UBN1: variants seen among roughly 807,000 people sequenced by gnomAD.
UBN1 encodes ubinuclein 1, also known as ubinuclein-1.
Under a neutral mutation model 108.5 loss-of-function variants are expected in UBN1, and 17 were observed. The observed-to-expected ratio is 0.16, with a 90% CI of 0.11 to 0.24. The LOEUF (loss-of-function observed/expected upper bound fraction) is 0.24, where lower values mean the gene tolerates loss of function less well. Among genes scored for constraint, UBN1 ranks in the 10% least tolerant of loss-of-function variants. The probability of loss-of-function intolerance (pLI) is 1.00; values close to 1 mark genes in which losing one functional copy is unlikely to be tolerated. For missense variants in UBN1, 1,595 were observed against 1,394.4 expected, an observed-to-expected ratio of 1.14 and a Z score of -2.29; for synonymous variants, 726 against 564.2, an observed-to-expected ratio of 1.29 and a Z score of -4.07.
At chr16:4,858,722 C>T (rs1030119108) in intron 4 of UBN1, 59 bp downstream of exon 4, 20 of 1,531,642 alleles carry the variant, frequency 1.3e-5, no homozygotes, top group Non-Finnish European at 1.7e-5. Flanking sequence ...CCTCCTGATA[C>T]TGACCAGGAA....
Position 4,860,999 on chromosome 16 carries a change from G to C in UBN1, c.1007G>C (p.Ser336Thr), listed in dbSNP as rs149384361. 1.9e-6 allele frequency: 3 copies of C among 1,614,254 alleles called. No homozygotes were observed. The highest frequency in any genetic ancestry group is 2.5e-6 in the Non-Finnish European group (3 of 1,180,052). Residue 336 changes from serine to threonine, a missense_variant, in exon 7 of 18, where the codon AGT becomes ACT. By Grantham distance (58) the Ser-to-Thr change is moderately conservative. This residue lies in a region of UBN1 where 1,398 missense variants were observed against 1,194.7 expected (regional missense o/e 1.17). Coordinates refer to ENST00000262376, the MANE Select transcript of UBN1 (RefSeq NM_001079514.3). ...GSPFRDMDDG[S>T]DSLGVGLDQE... ...CCCTTCCGAGATATGGATGATGGAA[G>C]TGATTCCCTTGGGGTGGGATTGGAC...
Position 4,863,865 on chromosome 16 carries a change from A to G in UBN1, c.1110+2763A>G, listed in dbSNP as rs368339738. 5.9e-5 allele frequency among the ~76,000 whole-genome samples: 9 copies of G among 152,234 alleles called. No individual in the cohort carries two copies. The South Asian group carries it at 8.3e-4, about 14-fold the overall frequency. ...TTCAGGGCTTGGTGGTCTCAGGGCA[A>G]CATCTCAAGAGGGGAAAGGTGGAAG... is the stretch of plus-strand genomic sequence containing the variant. On this transcript the variant is annotated intron_variant, in intron 7 of 17. Coordinates refer to ENST00000262376, the MANE Select transcript of UBN1 (RefSeq NM_001079514.3).
In UBN1 at chr16:4,852,982, A is replaced by G. The variant is rs1363526882; in HGVS notation, c.65A>G (p.Lys22Arg). ...LPGSLNPAFL[K>R]KSRKEEAGAG... is the part of the protein sequence containing the mutation. ...GGTTCCCTGAATCCTGCGTTTTTGAAGAAGTCCCGGAAGGAGGAGGCTGGG... is the reference window on the plus strand; with the variant it reads ...GGTTCCCTGAATCCTGCGTTTTTGAGGAAGTCCCGGAAGGAGGAGGCTGGG... The change falls in exon 2 of 18, where the codon AAG becomes AGG. Residue 22 changes from lysine to arginine, a missense_variant. This residue lies in a region of UBN1 where 181 missense variants were observed against 157.3 expected (regional missense o/e 1.15). Coordinates refer to ENST00000262376, the MANE Select transcript of UBN1 (RefSeq NM_001079514.3). 2 of 1,614,206 alleles carry G rather than the reference A, an allele frequency of 1.2e-6. No homozygotes were observed. The highest frequency in any genetic ancestry group is 2.2e-5 in the South Asian group (2 of 91,090).
chr16:4,848,421 C>T (rs963770579), intron 1 of UBN1: 3 of 152,244 alleles, frequency 2.0e-5, no homozygotes, highest in Non-Finnish European at 2.9e-5. Context: ...CAAAAGATCC[C>T]AGTCCCGATC....
intron 14 of UBN1, 80 bp from the exon 15 acceptor site, chr16:4,874,131 C>T: frequency 6.8e-7 from 1 of 1,476,640 alleles, no homozygotes. Flanking sequence ...GACTCGAGTT[C>T]ACATGTTTGT....
intron 2 of UBN1, among the ~76,000 whole-genome samples, chr16:4,855,947 A>G (rs1022794964): frequency 1.3e-5 from 2 of 152,146 alleles, no homozygotes; most frequent in Non-Finnish European, 2.9e-5. Context: ...CAAAAAAGAA[A>G]AAGTGTTTCC....
At chr16:4,871,738 C>T (rs1485260692) in intron 12 of UBN1, among the ~76,000 whole-genome samples, 2 of 151,958 alleles carry the variant, frequency 1.3e-5, no homozygotes, top group African/African-American at 4.8e-5. Context: ...AGGTGCCTGC[C>T]ACCATGCCCG....
chr16:4,854,487 G>A (rs1381708784), intron 2 of UBN1, among the ~76,000 whole-genome samples: 1 of 150,900 alleles, frequency 6.6e-6, no homozygotes, highest in Non-Finnish European at 1.5e-5. Flanking sequence ...AGGATTACGG[G>A]TGCCAGCCAC....
rs1416855333 is a variant in UBN1, at chr16:4,874,358, G to A, written c.1948G>A (p.Ala650Thr). 6.2e-7 allele frequency: 1 copy of A among 1,614,102 alleles called. No individual in the cohort carries two copies. Among genetic ancestry groups the A allele is most frequent in the East Asian group, 2.2e-5 (1 of 44,872 alleles). The change falls in exon 15 of 18, where the codon GCT (alanine) becomes ACT (threonine). Residue 650 changes from alanine to threonine, a missense_variant. By Grantham distance (58) the Ala-to-Thr change is moderately conservative. Transcript: ENST00000262376. Reference sequence around the variant, plus strand: ...CCCATCCCAGGCATCGGGCGGCCTTGCTAACCCTCCTCCTGTCAACCTGGA... The same window carrying A: ...CCCATCCCAGGCATCGGGCGGCCTTACTAACCCTCCTCCTGTCAACCTGGA... ...ELPSQASGGL[A>T]NPPPVNLEDS...
At chr16:4,856,667 A>G (rs1256340442) in intron 2 of UBN1, among the ~76,000 whole-genome samples, 1 of 152,180 alleles carries the variant, frequency 6.6e-6, no homozygotes, top group African/African-American at 2.4e-5. Context: ...AGGAAATGGT[A>G]GTTATTGGAA....
intron 6 of UBN1, among the ~76,000 whole-genome samples, chr16:4,860,222 C>CA (rs1244856576): frequency 6.6e-6 from 1 of 152,176 alleles, no homozygotes; most frequent in Non-Finnish European, 1.5e-5. Flanking sequence ...CTCTGGGGTG[C>CA]TCCTCTCTGC....
chr16:4,858,112 T>A (rs868262326), intron 3 of UBN1, 36 bp downstream of exon 3: 3 of 1,423,606 alleles, frequency 2.1e-6, no homozygotes, highest in Non-Finnish European at 3.0e-6. Context: ...AACAACCTCA[T>A]TGGGTGGGAG....
At chr16:4,862,446 T>C (rs2087112160) in intron 7 of UBN1, among the ~76,000 whole-genome samples, 1 of 152,244 alleles carries the variant, frequency 6.6e-6, no homozygotes, top group Non-Finnish European at 1.5e-5. Context: ...GAGTATCTCT[T>C]AGTATGACAT....
At chr16:4,873,184 C>A in intron 14 of UBN1, 111 bp downstream of exon 14, 1 of 1,444,082 alleles carries the variant, frequency 6.9e-7, no homozygotes, top group Non-Finnish European at 9.7e-7. Flanking sequence ...CGTCTGGGGA[C>A]AGCTGCTCAG....
At chr16:4,854,117 T>C (rs1356589389) in intron 2 of UBN1, among the ~76,000 whole-genome samples, 1 of 152,022 alleles carries the variant, frequency 6.6e-6, no homozygotes, top group Non-Finnish European at 1.5e-5. Context: ...CAGTGCAACC[T>C]CTGCCTCCCG....
At chr16:4,871,385 G>A in intron 12 of UBN1, 84 bp downstream of exon 12, 1 of 1,536,966 alleles carries the variant, frequency 6.5e-7, no homozygotes, top group Non-Finnish European at 8.7e-7. Flanking sequence ...CAGGATCCTT[G>A]CTCACAGGGA....
chr16:4,858,591 C>T lies in UBN1; in HGVS notation c.360C>T (p.Asp120=). The change falls in exon 4 of 18, where the codon GAC becomes GAT. Residue 120 remains aspartate (D), a synonymous_variant. Transcript: ENST00000262376. ...AGGGTGGAAAGAAACGTAGAAAAGA[C>T]CGAATACAGGACTTGATCGATATGG... The part of the protein sequence containing the change: ...EKYGGKKRRK[D]RIQDLIDMGY... The T allele has an allele frequency of 6.2e-7, 1 of 1,614,104 alleles. No homozygotes were observed. The highest frequency in any genetic ancestry group is 8.5e-7 in the Non-Finnish European group (1 of 1,180,000).
chr16:4,870,729 T>C, intron 10 of UBN1, 95 bp downstream of exon 10: 1 of 1,585,832 alleles, frequency 6.3e-7, no homozygotes, highest in South Asian at 1.1e-5. Context: ...AAGGAGCCTC[T>C]TGGCTCTTCT....
chr16:4,867,601 C>T (rs1033848282), intron 7 of UBN1, among the ~76,000 whole-genome samples: 4 of 152,058 alleles, frequency 2.6e-5, no homozygotes, highest in African/African-American at 7.2e-5. Flanking sequence ...GTACAATTGT[C>T]TGTGTTATTT....
Sources: allele counts gnomAD v4.1 joint callset (sites outside exome capture counted in the v4.1 genomes callset), GRCh38; gene constraint gnomAD v4.1.1; regional missense constraint gnomAD v4.1.1; transcripts MANE v1.5; gene names NCBI Gene and HGNC (gene_info 2026-07-23, HGNC 2026-07-21).